The following FBXL17 variants were observed in gnomAD, a reference collection of about 807,000 sequenced individuals.
The protein encoded by FBXL17 is F-box/LRR-repeat protein 17.
A neutral mutation model predicts 66.2 loss-of-function variants in FBXL17; 22 were observed. That is an observed-to-expected ratio of 0.33 (90% CI 0.24 to 0.47). FBXL17 has a LOEUF of 0.47. Ranked by LOEUF, FBXL17 falls within the 20% of genes least tolerant of loss-of-function variation. FBXL17 has a pLI of 1.00. For synonymous variants in FBXL17, 474 were observed against 400.5 expected (o/e 1.18, Z -2.19); for missense variants, 878 against 948.2 (o/e 0.93, Z 0.97).
chr5:108,173,153 C>G (rs576606798), intron 6 of FBXL17, among the ~76,000 whole-genome samples: 12 of 152,128 alleles, frequency 7.9e-5, no homozygotes, highest in South Asian at 4.2e-4. Context: ...ACCAAGAAAT[C>G]TAGATTGAGT....
Position 108,060,795 on chromosome 5 carries a change from C to T in FBXL17, c.1746-39794G>A, listed in dbSNP as rs145002773. On this transcript the variant is annotated intron_variant, in intron 6 of 8. Transcript: ENST00000542267. The stretch of plus-strand genomic sequence containing the variant: ...CTTCCCAGAGTCCTTTCACTGCCAC[C>T]TCCATATGCATGTATTACATCAATC... Among the ~76,000 whole-genome samples the T allele has an allele frequency of 2.6e-5, 4 of 152,134 alleles. No individual in the cohort carries two copies. In the East Asian group the frequency reaches 7.8e-4, roughly 30 times the overall value.
chr5:108,298,456 C>T, intron 4 of FBXL17: 1 of 969,948 alleles, frequency 1.0e-6, no homozygotes, highest in Middle Eastern at 5.3e-4. Flanking sequence ...CTTCAGTAGG[C>T]TTTAAATTTT....
chr5:108,356,127 A>G (rs940725880), intron 3 of FBXL17, among the ~76,000 whole-genome samples: 2 of 152,216 alleles, frequency 1.3e-5, no homozygotes, highest in Non-Finnish European at 2.9e-5. Flanking sequence ...AAAGAATGTT[A>G]TCAGTGATAA....
intron 7 of FBXL17, among the ~76,000 whole-genome samples, chr5:107,888,579 A>G (rs975104399): frequency 6.6e-6 from 1 of 152,100 alleles, no homozygotes; most frequent in Admixed American, 6.6e-5. Flanking sequence ...ACACATTACC[A>G]TTCCTGTTTT....
chr5:107,863,939 G>T (rs1401906742), intron 8 of FBXL17, among the ~76,000 whole-genome samples: 1 of 152,142 alleles, frequency 6.6e-6, no homozygotes, highest in Non-Finnish European at 1.5e-5. Flanking sequence ...CTCTCACACT[G>T]TACTACAATT....
chr5:108,003,153 C>T (rs1174307141), intron 7 of FBXL17, among the ~76,000 whole-genome samples: 1 of 152,130 alleles, frequency 6.6e-6, no homozygotes, highest in East Asian at 1.9e-4. Flanking sequence ...TATTTGTGGC[C>T]TTTTGAATTT....
At chr5:108,356,354 T>C (rs1197486497) in intron 3 of FBXL17, among the ~76,000 whole-genome samples, 1 of 152,080 alleles carries the variant, frequency 6.6e-6, no homozygotes, top group Non-Finnish European at 1.5e-5. Context: ...GCTGAAAAAA[T>C]TATGCCCATG....
At chr5:108,187,131 T>A (rs1236830616) in intron 5 of FBXL17, among the ~76,000 whole-genome samples, 1 of 152,162 alleles carries the variant, frequency 6.6e-6, no homozygotes, top group East Asian at 1.9e-4. Flanking sequence ...CTTCTCCATG[T>A]TTTCATTTTC....
At position 108,260,129 on chromosome 5, in the gene FBXL17, C is replaced by G. The variant is rs568575859; in HGVS notation, c.1507-35901G>C. Among the ~76,000 whole-genome samples the G allele has an allele frequency of 2.0e-5, 3 of 152,176 alleles. No individual in the cohort carries two copies. The South Asian group carries it at 6.2e-4, about 32-fold the overall frequency. Reference sequence around the variant, plus strand: ...AAACTTTTCCATGCTACTCTTGCCTCTCTTATAAAGATAGGTAAAGCATAC... The same window carrying G: ...AAACTTTTCCATGCTACTCTTGCCTGTCTTATAAAGATAGGTAAAGCATAC... On this transcript the variant is annotated intron_variant, in intron 4 of 8. Transcript: ENST00000542267.
At chr5:108,241,881 A>C (rs1755868599) in intron 4 of FBXL17, among the ~76,000 whole-genome samples, 1 of 152,210 alleles carries the variant, frequency 6.6e-6, no homozygotes, top group South Asian at 2.1e-4. Context: ...AAAGTACTGA[A>C]GGAAAAAACT....
At chr5:108,376,036 T>A (rs1277700497) in intron 1 of FBXL17, among the ~76,000 whole-genome samples, 3 of 152,148 alleles carry the variant, frequency 2.0e-5, no homozygotes, top group Non-Finnish European at 4.4e-5. Flanking sequence ...CACATGATCA[T>A]CTCAACTGAT....
intron 7 of FBXL17, among the ~76,000 whole-genome samples, chr5:107,961,015 CT>C (rs1300203612): frequency 6.6e-6 from 1 of 151,922 alleles, no homozygotes; most frequent in Non-Finnish European, 1.5e-5. Flanking sequence ...AGAAGTTTTC[CT>C]TGATAAAGTG....
At chr5:107,897,402 T>C (rs1293366582) in intron 7 of FBXL17, among the ~76,000 whole-genome samples, 5 of 152,092 alleles carry the variant, frequency 3.3e-5, no homozygotes, top group Non-Finnish European at 7.4e-5. Context: ...AAAAGATGAA[T>C]ACCAGCTGCC....
intron 6 of FBXL17, among the ~76,000 whole-genome samples, chr5:108,158,056 GA>G: frequency 2.0e-5 from 3 of 152,092 alleles, no homozygotes; most frequent in South Asian, 4.1e-4. Flanking sequence ...GTATATAAAG[GA>G]AATAAAAGGT....
intron 2 of FBXL17, 111 bp downstream of exon 2, chr5:108,367,720 C>T (rs1580903140): frequency 1.1e-6 from 1 of 902,436 alleles, no homozygotes; most frequent in African/African-American, 1.8e-5. Context: ...TTGTAGATTA[C>T]AGTGATTTGA....
chr5:108,288,397 C>T (rs562655449), intron 4 of FBXL17, among the ~76,000 whole-genome samples: 1 of 151,398 alleles, frequency 6.6e-6, no homozygotes, highest in African/African-American at 2.4e-5. Flanking sequence ...CAGACTGGCC[C>T]GATGTAAGGT....
rs988935297 is a variant in FBXL17, at chr5:108,268,553, C to T, written c.1507-44325G>A. Reference sequence around the variant, plus strand: ...CAGAACACCTGATTCCTCACTCCTTCCCTGATAAACTGTTCAATCAGAACT... The same window carrying T: ...CAGAACACCTGATTCCTCACTCCTTTCCTGATAAACTGTTCAATCAGAACT... On this transcript the variant is annotated intron_variant, in intron 4 of 8. Coordinates refer to ENST00000542267, the MANE Select transcript of FBXL17 (RefSeq NM_001163315.3). Among the ~76,000 whole-genome samples, 3 of 152,004 alleles carry T rather than the reference C, an allele frequency of 2.0e-5. No individual in the cohort carries two copies. In the South Asian group the frequency reaches 6.2e-4, roughly 32 times the overall value.
At chr5:108,178,959 TC>T in intron 6 of FBXL17, among the ~76,000 whole-genome samples, 1 of 152,312 alleles carries the variant, frequency 6.6e-6, no homozygotes, top group East Asian at 1.9e-4. Flanking sequence ...ATAGGTTTGT[TC>T]CCCTTGGGCA....
chr5:108,105,246 G>A lies in FBXL17; in HGVS notation c.1745+80871C>T, dbSNP rs150893204. Among the ~76,000 whole-genome samples, 917 of 152,302 alleles carry A rather than the reference G, an allele frequency of 6.0e-3. 14 individuals are homozygous for A. The highest frequency in any genetic ancestry group is 0.021 in the African/African-American group (876 of 41,560). ...GAAGAGAAGGCTTCTTGGAGAAGGCGCAACTGAAGTGGACCTTGGGGGCTG... is the reference window on the plus strand; with the variant it reads ...GAAGAGAAGGCTTCTTGGAGAAGGCACAACTGAAGTGGACCTTGGGGGCTG... On this transcript the variant is annotated intron_variant, in intron 6 of 8. Transcript: ENST00000542267.
Sources: allele counts gnomAD v4.1 joint callset (sites outside exome capture counted in the v4.1 genomes callset), GRCh38; gene constraint gnomAD v4.1.1; transcripts MANE v1.5; gene names NCBI Gene and HGNC (gene_info 2026-07-23, HGNC 2026-07-21).